Variants in DIP2C observed in about 807,000 individuals in gnomAD.
DIP2C encodes disco-interacting protein 2 homolog C.
A neutral mutation model predicts 192.4 loss-of-function variants in DIP2C; 33 were observed. The ratio of observed to expected loss-of-function variants is 0.17; its 90% confidence interval spans 0.13 to 0.23. The LOEUF is 0.23. Among genes scored for constraint, DIP2C ranks in the 10% least tolerant of loss-of-function variants. The pLI is 1.00. For missense variants in DIP2C, 1,537 were observed against 2,110.1 expected (o/e 0.73, Z 5.32); for synonymous variants, 979 against 864.1 (o/e 1.13, Z -2.33).
rs1462278053 is a variant in DIP2C at position 286,150 on chromosome 10, A to G, written c.4119+123T>C. ...TCACGCTATTTCCCAGGCAATCATAACTCACTCAGCTCAAACCGGTGTGTG... is the reference window on the plus strand; with the variant it reads ...TCACGCTATTTCCCAGGCAATCATAGCTCACTCAGCTCAAACCGGTGTGTG... On this transcript the variant is annotated intron_variant, in intron 34 of 36. Coordinates refer to ENST00000280886, the MANE Select transcript of DIP2C (RefSeq NM_014974.3). 14 of 862,036 alleles carry G rather than the reference A, an allele frequency of 1.6e-5. No individual in the cohort carries two copies. In the East Asian group the frequency reaches 3.2e-4, roughly 20 times the overall value. 53.4% of individuals were successfully genotyped at this position (862,036 alleles called of 1,614,324 possible). A position where few individuals can be genotyped will look rare whatever the true frequency, so the allele number is the denominator to read the frequency against.
chr10:459,577 C>T (rs1969583619), intron 3 of DIP2C, among the ~76,000 whole-genome samples: 1 of 151,886 alleles, frequency 6.6e-6, no homozygotes, highest in Non-Finnish European at 1.5e-5. Context: ...ATCAGGGAAC[C>T]ACATGCTGCA....
At chr10:298,979 A>G (rs1251309322) in intron 32 of DIP2C, among the ~76,000 whole-genome samples, 1 of 152,200 alleles carries the variant, frequency 6.6e-6, no homozygotes, top group Non-Finnish European at 1.5e-5. Flanking sequence ...TAGATTTGAT[A>G]TGTTTATGAG....
chr10:370,403 G>A (rs543250000), intron 17 of DIP2C, among the ~76,000 whole-genome samples: 1 of 152,302 alleles, frequency 6.6e-6, no homozygotes, highest in East Asian at 1.9e-4. Flanking sequence ...TCCTCCGGCA[G>A]ACGTCCACAC....
intron 1 of DIP2C, among the ~76,000 whole-genome samples, chr10:639,589 T>G (rs537745490): frequency 6.6e-6 from 1 of 152,316 alleles, no homozygotes; most frequent in Non-Finnish European, 1.5e-5. Context: ...TTCTGGCAGG[T>G]TTAGGAAGCT....
chr10:411,555 T>C (rs1162071656), intron 8 of DIP2C, among the ~76,000 whole-genome samples: 1 of 152,168 alleles, frequency 6.6e-6, no homozygotes, highest in Non-Finnish European at 1.5e-5. Flanking sequence ...GGCAGGACTT[T>C]AGAGAATACA....
intron 4 of DIP2C, among the ~76,000 whole-genome samples, chr10:431,327 C>G (rs746429565): frequency 2.0e-4 from 30 of 152,194 alleles, no homozygotes; most frequent in Non-Finnish European, 8.8e-5. Flanking sequence ...TGAACGTGGA[C>G]TACCTGTCCA....
At chr10:338,519 T>C (rs1184156472) in intron 29 of DIP2C, among the ~76,000 whole-genome samples, 2 of 152,144 alleles carry the variant, frequency 1.3e-5, no homozygotes, top group African/African-American at 4.8e-5. Flanking sequence ...ACCATCACGT[T>C]ACCGCTGCCC....
intron 1 of DIP2C, among the ~76,000 whole-genome samples, chr10:622,692 C>T (rs1190796179): frequency 6.6e-6 from 1 of 152,294 alleles, no homozygotes; most frequent in Non-Finnish European, 1.5e-5. Flanking sequence ...GGAATTATGA[C>T]GTGTAGGATA....
chr10:617,290 G>A (rs949313983), intron 1 of DIP2C, among the ~76,000 whole-genome samples: 14 of 152,000 alleles, frequency 9.2e-5, no homozygotes, highest in Admixed American at 5.2e-4. Context: ...GGTAAGAGCT[G>A]GGCTCTAGGG....
chr10:505,572 G>C (rs1845542735), intron 1 of DIP2C, among the ~76,000 whole-genome samples: 1 of 151,624 alleles, frequency 6.6e-6, no homozygotes, highest in Admixed American at 6.6e-5. Flanking sequence ...GGTGCTTCCT[G>C]TGGGTGCCCC....
Position 412,908 on chromosome 10 carries a change from C to T in DIP2C, c.1057+1005G>A, listed in dbSNP as rs1270817431. On this transcript the variant is annotated intron_variant, in intron 8 of 36. Transcript: ENST00000280886. ...CAGCTATGTTTAAAATTTCAGCTATCAACATAAATCTCAGACATGCAGACA... is the reference window on the plus strand; with the variant it reads ...CAGCTATGTTTAAAATTTCAGCTATTAACATAAATCTCAGACATGCAGACA... 2.6e-5 allele frequency among the ~76,000 whole-genome samples: 4 copies of T among 152,210 alleles called. No homozygotes were observed. The East Asian group carries it at 7.7e-4, about 29-fold the overall frequency.
intron 7 of DIP2C, among the ~76,000 whole-genome samples, chr10:414,349 A>G (rs1485208381): frequency 6.6e-6 from 1 of 152,130 alleles, no homozygotes; most frequent in Non-Finnish European, 1.5e-5. Context: ...GGACCTGCAC[A>G]CAGCTGCAAA....
chr10:400,829 T>C (rs541617702), intron 9 of DIP2C, among the ~76,000 whole-genome samples: 1 of 151,904 alleles, frequency 6.6e-6, no homozygotes, highest in South Asian at 2.1e-4. Flanking sequence ...GTTTGGTATG[T>C]GTTCCTCACC....
chr10:414,878 GTGTGTGTGTGTGTA>G lies in DIP2C; in HGVS notation c.860-782_860-769del, dbSNP rs1239656194. On this transcript the variant is annotated intron_variant, in intron 7 of 36. Coordinates refer to ENST00000280886, the MANE Select transcript of DIP2C (RefSeq NM_014974.3). Reference sequence around the variant, plus strand: ...TGTGTGTGTGTGTGTGTGTGTGTGTGTGTGTGTGTGTGTATATATATATATATATTTTTTTTTTT... The same window carrying G: ...TGTGTGTGTGTGTGTGTGTGTGTGTGTATATATATATATATTTTTTTTTTT... Among the ~76,000 whole-genome samples the G allele has an allele frequency of 5.7e-3, 348 of 61,230 alleles. 2 individuals carry two copies. Among genetic ancestry groups the G allele is most frequent in the South Asian group, 0.03 (36 of 1,214 alleles). The allele number at this position is 61,230 out of a possible 152,430, so 40.2% of individuals were successfully genotyped here.
chr10:640,578 G>C (rs1452805477), intron 1 of DIP2C, among the ~76,000 whole-genome samples: 1 of 152,064 alleles, frequency 6.6e-6, no homozygotes, highest in Admixed American at 6.5e-5. Context: ...TAGACGCGAC[G>C]GGGGACGAGG....
At chr10:477,714 GAGAGAAGAA>G (rs1295474486) in intron 2 of DIP2C, among the ~76,000 whole-genome samples, 1 of 140,672 alleles carries the variant, frequency 7.1e-6, no homozygotes, top group Non-Finnish European at 1.5e-5. Flanking sequence ...GAATAAAGGA[GAGAGAAGAA>G]AGAGAAGGAA....
intron 17 of DIP2C, among the ~76,000 whole-genome samples, chr10:376,585 G>C (rs1961626072): frequency 6.8e-6 from 1 of 146,094 alleles, no homozygotes; most frequent in Admixed American, 6.9e-5. Context: ...AAACAGGGCA[G>C]CTACTCTGGT....
chr10:414,339 G>A (rs1242159325), intron 7 of DIP2C, among the ~76,000 whole-genome samples: 2 of 152,092 alleles, frequency 1.3e-5, no homozygotes, highest in African/African-American at 4.8e-5. Context: ...GCGCTTAGGT[G>A]GACCTGCACA....
chr10:386,863 A>C (rs1962978341), intron 14 of DIP2C, among the ~76,000 whole-genome samples: 1 of 152,196 alleles, frequency 6.6e-6, no homozygotes, highest in Non-Finnish European at 1.5e-5. Context: ...GGAGCGTCTA[A>C]GCAGTCATGC....
Sources: allele counts gnomAD v4.1 joint callset (sites outside exome capture counted in the v4.1 genomes callset), GRCh38; gene constraint gnomAD v4.1.1; transcripts MANE v1.5; gene names NCBI Gene and HGNC (gene_info 2026-07-23, HGNC 2026-07-21).